RBFOX1: variants seen among roughly 807,000 people sequenced by gnomAD.
RBFOX1 encodes the protein RNA binding protein fox-1 homolog 1.
RBFOX1 carries 8 observed loss-of-function variants against 57.7 expected under a neutral mutation model. The observed-to-expected ratio is 0.14, with a 90% CI of 0.08 to 0.25. The LOEUF (loss-of-function observed/expected upper bound fraction) is 0.25, where lower values mean the gene tolerates loss of function less well. Ranked by LOEUF, RBFOX1 falls within the 10% of genes least tolerant of loss-of-function variation. RBFOX1 has a pLI of 1.00. For synonymous variants in RBFOX1, 326 were observed against 222.4 expected, an observed-to-expected ratio of 1.47 and a Z score of -4.15; for missense variants, 611 against 548.5, an observed-to-expected ratio of 1.11 and a Z score of -1.14.
At chr16:6,055,660 G>A (rs889408177) in intron 1 of RBFOX1, among the ~76,000 whole-genome samples, 2 of 149,698 alleles carry the variant, frequency 1.3e-5, no homozygotes, top group African/African-American at 2.5e-5. Context: ...ATGGAAGTTT[G>A]CAGTCTGAGA....
Position 5,587,787 on chromosome 16 carries a change from G to T in RBFOX1, c.259-11115G>T, listed in dbSNP as rs142686530. ...GCCCTCATAAACAGCTGTCACTTGA[G>T]AAAACAGCCAGAGAGTTCCTCAAAT... is the stretch of plus-strand genomic sequence containing the variant. On this transcript the variant is annotated intron_variant, in intron 2 of 2. Transcript: ENST00000585867. 3.0e-4 allele frequency among the ~76,000 whole-genome samples: 46 copies of T among 152,308 alleles called. No homozygotes were observed. In the East Asian group the frequency reaches 8.5e-3, roughly 28 times the overall value.
intron 2 of RBFOX1, among the ~76,000 whole-genome samples, chr16:6,387,626 C>T (rs1309652525): frequency 6.6e-6 from 1 of 152,180 alleles, no homozygotes. Flanking sequence ...AAATGTCTAG[C>T]ATTGCTCAGC....
intron 2 of RBFOX1, among the ~76,000 whole-genome samples, chr16:6,605,293 C>G (rs376639330): frequency 2.0e-5 from 3 of 151,952 alleles, no homozygotes; most frequent in African/African-American, 7.3e-5. Context: ...AAAAATAGGC[C>G]AAATAGCATC....
At chr16:7,164,726 A>G (rs750874557) in intron 4 of RBFOX1, among the ~76,000 whole-genome samples, 11 of 152,218 alleles carry the variant, frequency 7.2e-5, no homozygotes, top group South Asian at 2.1e-4. Flanking sequence ...TCATGGCTGT[A>G]TAGAAGTCTG....
chr16:6,202,129 C>A (rs57169211), intron 1 of RBFOX1, among the ~76,000 whole-genome samples: 3 of 152,172 alleles, frequency 2.0e-5, no homozygotes, highest in Admixed American at 2.0e-4. Context: ...TATGTCAGAT[C>A]ATTAACCAGT....
chr16:7,235,243 A>G (rs2093709888), intron 4 of RBFOX1, among the ~76,000 whole-genome samples: 1 of 152,086 alleles, frequency 6.6e-6, no homozygotes, highest in Non-Finnish European at 1.5e-5. Flanking sequence ...GAGGATTTTT[A>G]TTTTACATTT....
At chr16:6,455,880 G>C (rs530450965) in intron 2 of RBFOX1, among the ~76,000 whole-genome samples, 4 of 152,254 alleles carry the variant, frequency 2.6e-5, no homozygotes, top group South Asian at 4.1e-4. Context: ...GGTGAGCCTA[G>C]TAATGAAATA....
At position 6,389,276 on chromosome 16, in the gene RBFOX1, C is replaced by T. The variant is rs73532354; in HGVS notation, c.-64+72219C>T. 4.9e-3 allele frequency among the ~76,000 whole-genome samples: 739 copies of T among 152,322 alleles called. 12 individuals carry two copies. Among genetic ancestry groups the T allele is most frequent in the African/African-American group, 0.016 (681 of 41,574 alleles). On this transcript the variant is annotated intron_variant, in intron 2 of 15. Coordinates refer to ENST00000550418, the MANE Select transcript of RBFOX1 (RefSeq NM_018723.4). ...AAGGAGAGAATAATGAAACGACATG[C>T]ACAGATGCATACAGGACTCTGCAGA...
chr16:6,931,325 CTA>C (rs1287849890), intron 3 of RBFOX1, among the ~76,000 whole-genome samples: 1,598 of 127,138 alleles, frequency 0.013, 14 homozygotes, highest in Middle Eastern at 0.03. Flanking sequence ...ATCTATCTAT[CTA>C]TCTATCTATC....
In RBFOX1 at chr16:7,397,735, C is replaced by T. The variant is rs1360634148; in HGVS notation, c.28-120412C>T. On this transcript the variant is annotated intron_variant, in intron 4 of 15. Transcript: ENST00000550418. ...AATGATTTTGACATGTGTATTCACTCTTAGTTTTGGCTCTTAGAGTTTAAG... is the reference window on the plus strand; with the variant it reads ...AATGATTTTGACATGTGTATTCACTTTTAGTTTTGGCTCTTAGAGTTTAAG... Among the ~76,000 whole-genome samples, 5 of 152,124 alleles carry T rather than the reference C, an allele frequency of 3.3e-5. 1 individual carries two copies. Among genetic ancestry groups the T allele is most frequent in the African/African-American group, 2.4e-5 (1 of 41,430 alleles).
chr16:7,495,159 T>C (rs1367147219), intron 4 of RBFOX1, among the ~76,000 whole-genome samples: 2 of 152,212 alleles, frequency 1.3e-5, no homozygotes, highest in East Asian at 1.9e-4. Flanking sequence ...CATTCTGTTT[T>C]ATGGCTGCAT....
intron 2 of RBFOX1, among the ~76,000 whole-genome samples, chr16:6,362,759 G>T (rs2088824901): frequency 6.6e-6 from 1 of 152,178 alleles, no homozygotes; most frequent in Admixed American, 6.5e-5. Flanking sequence ...GAGATGGATG[G>T]CTTATTTTTT....
intron 3 of RBFOX1, among the ~76,000 whole-genome samples, chr16:5,682,723 T>G (rs1013434492): frequency 6.6e-6 from 1 of 152,206 alleles, no homozygotes; most frequent in African/African-American, 2.4e-5. Flanking sequence ...CAACACTATG[T>G]TGAAAGAGAG....
chr16:6,319,828 CCAAGAGGTTTCCTTGATCTCTATT>C (rs1433198945), intron 2 of RBFOX1, among the ~76,000 whole-genome samples: 1 of 152,150 alleles, frequency 6.6e-6, no homozygotes, highest in African/African-American at 2.4e-5. Context: ...AATTTAACTT[CCAAGAGGTTTCCTTGATCTCTATT>C]TTCCTATCAG....
intron 10 of RBFOX1, among the ~76,000 whole-genome samples, chr16:7,628,480 C>T (rs765955870): frequency 6.6e-6 from 1 of 152,124 alleles, no homozygotes. Context: ...GCTTGCCTCC[C>T]CTTGCTTGGT....
At chr16:7,637,271 CAAA>C (rs5815418) in intron 11 of RBFOX1, among the ~76,000 whole-genome samples, 2 of 139,396 alleles carry the variant, frequency 1.4e-5, no homozygotes, top group Non-Finnish European at 1.6e-5. Context: ...CTTCCCTCCT[CAAA>C]AAAAAAAAAA....
intron 4 of RBFOX1, among the ~76,000 whole-genome samples, chr16:7,460,583 G>C (rs934039706): frequency 2.7e-5 from 4 of 149,918 alleles, no homozygotes; most frequent in African/African-American, 9.8e-5. Flanking sequence ...AAGGTAGGAG[G>C]ATGGAAAGGA....
intron 3 of RBFOX1, among the ~76,000 whole-genome samples, chr16:6,940,113 A>T (rs2078102050): frequency 6.6e-6 from 1 of 152,126 alleles, no homozygotes; most frequent in Admixed American, 6.5e-5. Context: ...AATCACTTGA[A>T]CCCAGGAGGC....
chr16:5,785,511 T>TTTTC lies in RBFOX1; in HGVS notation c.319-81772_319-81769dup, dbSNP rs369767150. ...CATGGTGTCTTCAATTTCTTTTCTT[T>TTTTC]TTTCTTTCTTTCTTTCTTTCTTTTT... is the stretch of plus-strand genomic sequence containing the variant. On this transcript the variant is annotated intron_variant, in intron 3 of 19. Transcript: ENST00000641259. Among the ~76,000 whole-genome samples, 1,303 of 151,908 alleles carry TTTTC rather than the reference T, an allele frequency of 8.6e-3. 17 individuals are homozygous for TTTTC. The highest frequency in any genetic ancestry group is 0.019 in the African/African-American group (784 of 41,394).
Sources: allele counts gnomAD v4.1 joint callset (sites outside exome capture counted in the v4.1 genomes callset), GRCh38; gene constraint gnomAD v4.1.1; transcripts MANE v1.5; gene names NCBI Gene and HGNC (gene_info 2026-07-23, HGNC 2026-07-21).